Variants in LIMA1 observed in about 807,000 individuals in gnomAD.
LIMA1 encodes LIM domain and actin binding 1, also known as LIM domain and actin-binding protein 1.
In LIMA1, 52 loss-of-function variants were observed where a neutral mutation model predicts 62.6. The observed-to-expected ratio is 0.83, with a 90% CI of 0.67 to 1.05. LIMA1 has a LOEUF of 1.05. Ranked by LOEUF, LIMA1 falls within the 50% of genes least tolerant of loss-of-function variation. The probability of loss-of-function intolerance (pLI) is 0.00; values close to 1 mark genes in which losing one functional copy is unlikely to be tolerated. For synonymous variants in LIMA1, 302 were observed against 317.8 expected (o/e 0.95, Z 0.53); for missense variants, 780 against 902.2 (o/e 0.86, Z 1.74).
intron 8 of LIMA1, 150 bp from the exon 9 acceptor site, chr12:50,192,711 G>A (rs182925695): frequency 4.1e-5 from 26 of 626,654 alleles, no homozygotes; most frequent in African/African-American, 2.0e-4. Context: ...AAGAATATTC[G>A]AACACTAACA....
chr12:50,257,744 A>G (rs1942016065), intron 1 of LIMA1, among the ~76,000 whole-genome samples: 1 of 152,206 alleles, frequency 6.6e-6, no homozygotes, highest in South Asian at 2.1e-4. Flanking sequence ...CCCTTAGTTC[A>G]GTCTTATAAT....
intron 9 of LIMA1, among the ~76,000 whole-genome samples, chr12:50,190,944 C>T (rs1042558359): frequency 6.6e-6 from 1 of 150,536 alleles, no homozygotes; most frequent in African/African-American, 2.4e-5. Context: ...ATAGTGAGAC[C>T]CCATCCCTAT....
chr12:50,273,863 A>G (rs771992613), intron 1 of LIMA1, among the ~76,000 whole-genome samples: 4 of 152,214 alleles, frequency 2.6e-5, no homozygotes, highest in Non-Finnish European at 5.9e-5. Context: ...TGTGGATTCC[A>G]GTAATTGGGT....
rs1339695546 is a variant in LIMA1, at chr12:50,193,857, G to T, written c.1031-1296C>A. Among the ~76,000 whole-genome samples the T allele has an allele frequency of 2.0e-5, 3 of 147,938 alleles. No individual in the cohort carries two copies. The East Asian group carries it at 5.9e-4, about 29-fold the overall frequency. Reference sequence around the variant, plus strand: ...GTTTTGGTACTTTTGGTAGAGACAGGGTTTCACCATGTTGCCCAGGCTGGT... The same window carrying T: ...GTTTTGGTACTTTTGGTAGAGACAGTGTTTCACCATGTTGCCCAGGCTGGT... On this transcript the variant is annotated intron_variant, in intron 8 of 10. Transcript: ENST00000341247.
intron 3 of LIMA1, among the ~76,000 whole-genome samples, chr12:50,227,237 C>CTTTTTTTTTTTTTTTTTTTT (rs199650468): frequency 4.8e-5 from 6 of 123,992 alleles, no homozygotes; most frequent in Non-Finnish European, 8.2e-5. Flanking sequence ...TTTTTCTTTT[C>CTTTTTTTTTTTTTTTTTTTT]TTTTTTTTTT....
At chr12:50,235,555 G>A (rs1260215088) in intron 2 of LIMA1, among the ~76,000 whole-genome samples, 2 of 151,958 alleles carry the variant, frequency 1.3e-5, no homozygotes, top group African/African-American at 2.4e-5. Flanking sequence ...GTAAGCCACC[G>A]TGCCCAGCCC....
chr12:50,184,358 A>C (rs911491962), intron 9 of LIMA1, among the ~76,000 whole-genome samples: 8 of 152,230 alleles, frequency 5.3e-5, no homozygotes, highest in Non-Finnish European at 1.2e-4. Context: ...TAGGAGATAC[A>C]CTGGCCAGGT....
chr12:50,252,764 C>A (rs576187091), intron 1 of LIMA1, among the ~76,000 whole-genome samples: 1 of 152,150 alleles, frequency 6.6e-6, no homozygotes, highest in Admixed American at 6.5e-5. Context: ...AGTTTCTGAT[C>A]CTCAATATCC....
At chr12:50,225,205 A>G (rs957897872) in intron 3 of LIMA1, among the ~76,000 whole-genome samples, 3 of 151,940 alleles carry the variant, frequency 2.0e-5, no homozygotes, top group African/African-American at 7.3e-5. Context: ...CCTGGCCCCA[A>G]CTGTCTCTTT....
chr12:50,178,208 A>G lies in LIMA1; in HGVS notation c.1275-139T>C, dbSNP rs575196938. On this transcript the variant is annotated intron_variant, in intron 10 of 10. Transcript: ENST00000341247. ...GATCTTTAAAAGCCCTTCAGTGACCAGGAATTCCTTACCCCCATTTTAGCA... is the reference window on the plus strand; with the variant it reads ...GATCTTTAAAAGCCCTTCAGTGACCGGGAATTCCTTACCCCCATTTTAGCA... 7 of 611,608 alleles carry G rather than the reference A, an allele frequency of 1.1e-5. No individual in the cohort carries two copies. In the African/African-American group the frequency reaches 1.3e-4, roughly 12 times the overall value. 37.9% of individuals were successfully genotyped at this position (611,608 alleles called of 1,614,324 possible). A position where few individuals can be genotyped will look rare whatever the true frequency, so the allele number is the denominator to read the frequency against.
chr12:50,245,660 T>G (rs1440286757), intron 2 of LIMA1, among the ~76,000 whole-genome samples: 1 of 150,936 alleles, frequency 6.6e-6, no homozygotes, highest in African/African-American at 2.4e-5. Flanking sequence ...ATGAATACCC[T>G]GCATGGGGAA....
chr12:50,239,981 G>A (rs933434210), intron 2 of LIMA1, among the ~76,000 whole-genome samples: 3 of 150,534 alleles, frequency 2.0e-5, no homozygotes, highest in South Asian at 4.2e-4. Flanking sequence ...GCAACAGAGT[G>A]AGACTCTATC....
intron 9 of LIMA1, chr12:50,187,985 T>G (rs757592596): frequency 3.9e-5 from 6 of 152,236 alleles, no homozygotes; most frequent in Non-Finnish European, 8.8e-5. Flanking sequence ...CAGGGTCCAC[T>G]AAGCTCTGCT....
chr12:50,213,837 T>G (rs1236466038), intron 4 of LIMA1, among the ~76,000 whole-genome samples: 2 of 152,222 alleles, frequency 1.3e-5, no homozygotes, highest in Non-Finnish European at 2.9e-5. Flanking sequence ...CATTGCTTGT[T>G]GATATGTTTT....
intron 2 of LIMA1, among the ~76,000 whole-genome samples, chr12:50,248,244 C>T (rs1941878104): frequency 1.3e-5 from 2 of 152,188 alleles, no homozygotes; most frequent in Admixed American, 6.5e-5. Context: ...AATCAAAACT[C>T]GCCTCAACAC....
At chr12:50,200,264 A>G (rs1439899342) in intron 7 of LIMA1, among the ~76,000 whole-genome samples, 1 of 148,026 alleles carries the variant, frequency 6.8e-6, no homozygotes, top group Non-Finnish European at 1.5e-5. Context: ...GCTGGAGTGC[A>G]GTGCACTCAG....
At chr12:50,196,759 G>A (rs1263416792) in intron 7 of LIMA1, among the ~76,000 whole-genome samples, 1 of 152,204 alleles carries the variant, frequency 6.6e-6, no homozygotes. Flanking sequence ...AGATTAAGCT[G>A]CTGGCTGACT....
chr12:50,188,693 G>A (rs1415759759), intron 9 of LIMA1: 1 of 152,246 alleles, frequency 6.6e-6, no homozygotes, highest in African/African-American at 2.4e-5. Context: ...TGCCAAAGGA[G>A]ACCTAAGTGA....
At chr12:50,192,057 C>T (rs773460411) in intron 9 of LIMA1, among the ~76,000 whole-genome samples, 2 of 147,922 alleles carry the variant, frequency 1.4e-5, no homozygotes, top group African/African-American at 5.0e-5. Flanking sequence ...ATTGCTTGAA[C>T]ATGGGGGGGC....
Sources: gnomAD v4.1 joint callset for allele counts (sites outside exome capture counted in the v4.1 genomes callset) on GRCh38, gnomAD v4.1.1 for gene constraint, MANE v1.5 for transcripts, NCBI Gene and HGNC (gene_info 2026-07-23, HGNC 2026-07-21) for gene names.